Variants in ICAM2 observed in about 807,000 individuals in gnomAD.
The protein encoded by ICAM2 is ICAM-2.
ICAM2 carries 14 observed loss-of-function variants against 19.1 expected under a neutral mutation model. The observed-to-expected ratio is 0.73, with a 90% CI of 0.48 to 1.15. The LOEUF is 1.15. Ranked by LOEUF, ICAM2 falls within the 50% of genes most tolerant of loss-of-function variation. The probability of loss-of-function intolerance (pLI) is 0.00; values close to 1 mark genes in which losing one functional copy is unlikely to be tolerated. For missense variants in ICAM2, 311 were observed against 355.4 expected, an observed-to-expected ratio of 0.88 and a Z score of 1.00; for synonymous variants, 153 against 152.7, an observed-to-expected ratio of 1.00 and a Z score of -0.01.
intron 1 of ICAM2, among the ~76,000 whole-genome samples, chr17:64,015,104 G>T (rs1911672012): frequency 6.6e-6 from 1 of 152,172 alleles, no homozygotes. Context: ...AACAGTAGTT[G>T]CCAGGGGCTG....
rs927724273 is a variant in ICAM2 at position 64,012,555 on chromosome 17, G to A, written c.-44-5820C>T. Among the ~76,000 whole-genome samples the A allele has an allele frequency of 5.9e-5, 9 of 152,220 alleles. No homozygotes were observed. In the East Asian group the frequency reaches 1.5e-3, roughly 26 times the overall value. The stretch of plus-strand genomic sequence containing the variant: ...GTGGAGGTTGCTGTGAGCTGAGATT[G>A]TGCCACTGCACTCCAGCTTGGGTAA... On this transcript the variant is annotated intron_variant, in intron 1 of 4. Transcript: ENST00000579788.
At chr17:64,016,767 A>T (rs28529366) in intron 1 of ICAM2, among the ~76,000 whole-genome samples, 1 of 151,966 alleles carries the variant, frequency 6.6e-6, no homozygotes, top group Admixed American at 6.6e-5. Flanking sequence ...TCCTGGAATC[A>T]CCTCTCAAAT....
At chr17:64,003,573 A>C in intron 4 of ICAM2, 71 bp downstream of exon 4, 1 of 1,434,326 alleles carries the variant, frequency 7.0e-7, no homozygotes, top group Non-Finnish European at 9.6e-7. Context: ...AGTGGGACTC[A>C]AGATTTTTCT....
At chr17:64,017,850 T>C (rs531384523) in intron 1 of ICAM2, among the ~76,000 whole-genome samples, 5 of 152,280 alleles carry the variant, frequency 3.3e-5, no homozygotes, top group African/African-American at 4.8e-5. Context: ...ACAGGATCAA[T>C]TGATTAACCA....
intron 1 of ICAM2, among the ~76,000 whole-genome samples, chr17:64,008,173 G>T (rs536448999): frequency 1.2e-4 from 18 of 152,218 alleles, no homozygotes; most frequent in Non-Finnish European, 2.4e-4. Flanking sequence ...GTCCCTGGAC[G>T]GGGTTGCTGG....
Position 64,003,866 on chromosome 17 carries a change from C to A in ICAM2, c.427G>T (p.Asp143Tyr). 1 of 1,614,188 alleles carries A rather than the reference C, an allele frequency of 6.2e-7. No individual in the cohort carries two copies. The highest frequency in any genetic ancestry group is 8.5e-7 in the Non-Finnish European group (1 of 1,180,034). The change falls in exon 4 of 5, where the codon GAC (aspartate) becomes TAC (tyrosine). Residue 143 changes from aspartate (D) to tyrosine (Y), a missense_variant. Transcript: ENST00000579788. ...CGGAACAGGAAGAGGGTGAGGCTGT[C>A]CAGGGGCTCCACGGTGGGCACCCTG... ...ECRVPTVEPL[D>Y]SLTLFLFRGN...
chr17:64,014,380 G>GAAAGAAAGAAAGAAAGAAAGAAAGA (rs375928178), intron 1 of ICAM2, among the ~76,000 whole-genome samples: 1 of 15,608 alleles, frequency 6.4e-5, no homozygotes, highest in African/African-American at 1.9e-4. Flanking sequence ...AGAAAGAAAG[G>GAAAGAAAGAAAGAAAGAAAGAAAGA]AAGGAAGGAA....
At chr17:64,002,982 C>A in intron 4 of ICAM2, 57 bp from the exon 5 acceptor site, 1 of 1,539,120 alleles carries the variant, frequency 6.5e-7, no homozygotes, top group South Asian at 1.2e-5. Flanking sequence ...TACCAGGGAC[C>A]AAAAGGGAGT....
At chr17:64,012,103 T>A (rs994828249) in intron 1 of ICAM2, among the ~76,000 whole-genome samples, 16 of 152,246 alleles carry the variant, frequency 1.1e-4, no homozygotes, top group African/African-American at 3.9e-4. Context: ...AAGGAAATCC[T>A]GTCATTTTTG....
At chr17:64,006,846 GT>G (rs1258963768) in intron 1 of ICAM2, 111 bp from the exon 2 acceptor site, 1 of 671,150 alleles carries the variant, frequency 1.5e-6, no homozygotes, top group Non-Finnish European at 2.6e-6. Flanking sequence ...GGGAAGCCAC[GT>G]GCACCAGCTC....
At chr17:64,013,935 G>A (rs1018206430) in intron 1 of ICAM2, among the ~76,000 whole-genome samples, 90 of 152,066 alleles carry the variant, frequency 5.9e-4, no homozygotes, top group African/African-American at 2.1e-3. Flanking sequence ...AAAATCAGTG[G>A]TGTAAATGCT....
chr17:64,010,563 A>G (rs1038193839), intron 1 of ICAM2, among the ~76,000 whole-genome samples: 1 of 152,036 alleles, frequency 6.6e-6, no homozygotes, highest in Non-Finnish European at 1.5e-5. Context: ...AACTATTAGA[A>G]TTGTGTACCC....
At chr17:64,019,077 T>A (rs1318134291) in intron 1 of ICAM2, among the ~76,000 whole-genome samples, 1 of 152,168 alleles carries the variant, frequency 6.6e-6, no homozygotes, top group Non-Finnish European at 1.5e-5. Flanking sequence ...TGTGCCTCAA[T>A]TTCCTCATCT....
intron 2 of ICAM2, 106 bp from the exon 3 acceptor site, chr17:64,005,479 GA>G: frequency 7.6e-7 from 1 of 1,321,852 alleles, no homozygotes. Flanking sequence ...GACTGAAGAG[GA>G]AAGGTCATTG....
intron 1 of ICAM2, among the ~76,000 whole-genome samples, chr17:64,015,832 A>G (rs887797607): frequency 6.6e-6 from 1 of 151,322 alleles, no homozygotes; most frequent in African/African-American, 2.4e-5. Flanking sequence ...GTTTTGCAGA[A>G]GTTCAAGTAA....
chr17:64,005,938 G>A (rs541375949), intron 2 of ICAM2: 17 of 160,306 alleles, frequency 1.1e-4, no homozygotes, highest in Admixed American at 4.7e-4. Flanking sequence ...GCAGGAAAGC[G>A]CCGAGAAAGG....
intron 2 of ICAM2, among the ~76,000 whole-genome samples, chr17:64,005,738 C>T (rs1280532455): frequency 6.6e-6 from 1 of 152,196 alleles, no homozygotes; most frequent in Admixed American, 6.5e-5. Context: ...GTCCCCTCCC[C>T]CATAAAGCCC....
intron 1 of ICAM2, among the ~76,000 whole-genome samples, chr17:64,018,088 C>T (rs1911783963): frequency 1.3e-5 from 2 of 152,024 alleles, no homozygotes; most frequent in South Asian, 4.1e-4. Flanking sequence ...GACGCCAGCA[C>T]TTTGGGAGGC....
Position 64,002,785 on chromosome 17 carries a change from C to A in ICAM2, c.790G>T (p.Ala264Ser). 2 of 1,613,376 alleles carry A rather than the reference C, an allele frequency of 1.2e-6. No individual in the cohort carries two copies. Among genetic ancestry groups the A allele is most frequent in the Non-Finnish European group, 1.7e-6 (2 of 1,179,986 alleles). The change falls in exon 5 of 5, where the codon GCG becomes TCG. Residue 264 changes from alanine to serine, a missense_variant. Coordinates refer to ENST00000579788, the MANE Select transcript of ICAM2 (RefSeq NM_001099789.2). Reference protein sequence around the residue: ...QQRMGTYGVRAAWRRLPQAFR... With the variant: ...QQRMGTYGVRSAWRRLPQAFR... ...GCCTGGGGCAGCCTCCTCCAAGCCG[C>A]TCGCACCCCGTAGGTGCCCATCCGC...
Sources: allele counts gnomAD v4.1 joint callset (sites outside exome capture counted in the v4.1 genomes callset), GRCh38; gene constraint gnomAD v4.1.1; transcripts MANE v1.5; gene names NCBI Gene and HGNC (gene_info 2026-07-23, HGNC 2026-07-21).